The following AKAP19 variants were observed in gnomAD, a reference collection of about 807,000 sequenced individuals.
AKAP19 encodes A-kinase anchoring protein 19.
chr2:190,076,477 G>A, the AKAP19 span, among the ~76,000 whole-genome samples: 2 of 152,194 alleles, frequency 1.3e-5, no homozygotes, highest in Admixed American at 1.3e-4. Flanking sequence ...CTTCAGGATT[G>A]TTGGGAACAA....
chr2:189,936,771 T>A, the AKAP19 span, among the ~76,000 whole-genome samples: 5 of 152,088 alleles, frequency 3.3e-5, 1 homozygote, highest in Admixed American at 3.3e-4. Context: ...TTATGCTGAG[T>A]GAAAGAGACC....
the AKAP19 span, chr2:190,189,860 G>T: frequency 2.0e-5 from 3 of 152,206 alleles, no homozygotes; most frequent in Admixed American, 6.5e-5. Flanking sequence ...GTAGGCTTTT[G>T]CTCTTCGGTA....
the AKAP19 span, among the ~76,000 whole-genome samples, chr2:190,171,241 A>C: frequency 4.6e-5 from 7 of 152,262 alleles, no homozygotes; most frequent in Admixed American, 2.6e-4. Context: ...GTTAAAAAAA[A>C]AAACAAACAG....
chr2:190,116,256 C>T, the AKAP19 span, among the ~76,000 whole-genome samples: 2 of 152,110 alleles, frequency 1.3e-5, no homozygotes, highest in Admixed American at 1.3e-4. Context: ...GCTCATGGTT[C>T]TGGAGGTGGG....
the AKAP19 span, among the ~76,000 whole-genome samples, chr2:189,901,015 G>A: frequency 4.4e-3 from 674 of 152,236 alleles, 6 homozygotes; most frequent in African/African-American, 0.015. Context: ...TTATTTGCAC[G>A]GGAGGTCTGT....
chr2:190,038,465 G>A, the AKAP19 span, among the ~76,000 whole-genome samples: 4 of 152,146 alleles, frequency 2.6e-5, no homozygotes, highest in Non-Finnish European at 2.9e-5. Flanking sequence ...ACTATGTCTA[G>A]CAGAGGAATT....
the AKAP19 span, among the ~76,000 whole-genome samples, chr2:189,987,276 T>C: frequency 1.1e-3 from 161 of 152,312 alleles, 4 homozygotes; most frequent in East Asian, 0.029. Context: ...GCTGCCGCCA[T>C]GTAAAGAAAT....
At chr2:190,188,771 C>G in the AKAP19 span, among the ~76,000 whole-genome samples, 1 of 152,144 alleles carries the variant, frequency 6.6e-6, no homozygotes, top group Non-Finnish European at 1.5e-5. Context: ...GTAGATGCTT[C>G]ACATGAACTT....
the AKAP19 span, among the ~76,000 whole-genome samples, chr2:190,095,898 A>C: frequency 6.6e-6 from 1 of 152,174 alleles, no homozygotes; most frequent in Non-Finnish European, 1.5e-5. Flanking sequence ...TGAGAAGGAA[A>C]GATAGATGTA....
the AKAP19 span, among the ~76,000 whole-genome samples, chr2:189,995,250 C>G: frequency 1.3e-5 from 2 of 152,150 alleles, no homozygotes; most frequent in African/African-American, 2.4e-5. Flanking sequence ...TAATGTGTTG[C>G]TATCTATCAC....
At chr2:190,135,564 G>A in the AKAP19 span, among the ~76,000 whole-genome samples, 10 of 150,672 alleles carry the variant, frequency 6.6e-5, 1 homozygote, top group East Asian at 9.7e-4. Flanking sequence ...CTCATAATAA[G>A]GATTATTGGT....
the AKAP19 span, among the ~76,000 whole-genome samples, chr2:189,923,144 C>T: frequency 3.3e-5 from 5 of 152,098 alleles, no homozygotes; most frequent in African/African-American, 4.8e-5. Context: ...GAGTGAGACT[C>T]CATCTCTAAA....
the AKAP19 span, among the ~76,000 whole-genome samples, chr2:189,952,022 C>G: frequency 1.3e-5 from 2 of 152,300 alleles, no homozygotes; most frequent in East Asian, 3.9e-4. Context: ...TCCTTATCTT[C>G]CACTGGTTTC....
chr2:189,896,466 C>T, the AKAP19 span, among the ~76,000 whole-genome samples: 12 of 152,190 alleles, frequency 7.9e-5, no homozygotes, highest in Admixed American at 3.9e-4. Flanking sequence ...CTTTTTCCCG[C>T]GTTCCATATG....
At chr2:190,062,610 A>G in the AKAP19 span, 2 of 1,608,334 alleles carry the variant, frequency 1.2e-6, no homozygotes, top group African/African-American at 1.3e-5. Flanking sequence ...TTTAAAATCA[A>G]TATAATCTTT....
chr2:190,041,942 T>C, the AKAP19 span, among the ~76,000 whole-genome samples: 3 of 152,114 alleles, frequency 2.0e-5, no homozygotes, highest in African/African-American at 7.2e-5. Flanking sequence ...AGGATTTTTG[T>C]ATCAGTGTTC....
At chr2:189,881,334 A>C in the AKAP19 span, among the ~76,000 whole-genome samples, 7 of 152,146 alleles carry the variant, frequency 4.6e-5, no homozygotes, top group Non-Finnish European at 7.4e-5. Flanking sequence ...CACTGAAATA[A>C]ATGCATATCT....
the AKAP19 span, among the ~76,000 whole-genome samples, chr2:189,986,940 A>AGG: frequency 6.6e-6 from 1 of 152,160 alleles, no homozygotes; most frequent in African/African-American, 2.4e-5. Flanking sequence ...ATGAGAAAGA[A>AGG]GGAGACAGGA....
chr2:189,977,885 A>G, the AKAP19 span, among the ~76,000 whole-genome samples: 3 of 152,368 alleles, frequency 2.0e-5, no homozygotes, highest in South Asian at 2.1e-4. Flanking sequence ...CACATTCAGT[A>G]GAAACCATAC....
Sources: gnomAD v4.1 joint callset for allele counts (sites outside exome capture counted in the v4.1 genomes callset) on GRCh38, gnomAD v4.1.1 for gene constraint, MANE v1.5 for transcripts, NCBI Gene and HGNC (gene_info 2026-07-23, HGNC 2026-07-21) for gene names.